SERINC2: variants seen among roughly 807,000 people sequenced by gnomAD.
The protein encoded by SERINC2 is serine incorporator 2.
Under a neutral mutation model 54.2 loss-of-function variants are expected in SERINC2, and 56 were observed. The observed-to-expected ratio is 1.03, with a 90% CI of 0.83 to 1.29. The LOEUF (loss-of-function observed/expected upper bound fraction) is 1.29. Among genes scored for constraint, SERINC2 ranks in the 50% most tolerant of loss-of-function variants. SERINC2 has a pLI of 0.00. For missense variants in SERINC2, 614 were observed against 607.4 expected (o/e 1.01, Z -0.12); for synonymous variants, 272 against 253.1 (o/e 1.07, Z -0.71).
upstream of SERINC2, among the ~76,000 whole-genome samples, chr1:31,411,456 G>A (rs1223711055): frequency 3.3e-5 from 5 of 152,146 alleles, no homozygotes; most frequent in Non-Finnish European, 5.9e-5. Context: ...GGAATTAATC[G>A]ACTTCTCAGG....
intron 2 of SERINC2, 87 bp downstream of exon 2, chr1:31,423,941 T>C: frequency 7.7e-7 from 1 of 1,306,432 alleles, no homozygotes; most frequent in South Asian, 1.3e-5. Flanking sequence ...GGTCACAGCT[T>C]ATCCAGAAGA....
chr1:31,410,098 A>T, upstream of SERINC2: 1 of 1,259,748 alleles, frequency 7.9e-7, no homozygotes, highest in Non-Finnish European at 1.1e-6. Flanking sequence ...GACATGGTTT[A>T]CATAGCATTG....
chr1:31,432,477 T>C (rs956485304), intron 8 of SERINC2, among the ~76,000 whole-genome samples: 3 of 152,106 alleles, frequency 2.0e-5, no homozygotes, highest in Non-Finnish European at 4.4e-5. Flanking sequence ...TAAAACCACC[T>C]GACACTAATA....
At chr1:31,431,995 AGGGT>A in intron 8 of SERINC2, among the ~76,000 whole-genome samples, 1 of 145,814 alleles carries the variant, frequency 6.9e-6, no homozygotes, top group Non-Finnish European at 1.5e-5. Context: ...TAGGGTGGAT[AGGGT>A]GGATAGGGTG....
chr1:31,412,924 G>A (rs781914612), upstream of SERINC2, among the ~76,000 whole-genome samples: 7 of 152,228 alleles, frequency 4.6e-5, no homozygotes, highest in Non-Finnish European at 8.8e-5. Flanking sequence ...CTGTTCCCAA[G>A]GGTGACAGTG....
Position 31,426,670 on chromosome 1 carries a change from TCTC to T in SERINC2, c.631_633del (p.Leu211del). ...CTGGCCCAGGCCTCTTCTTCTTCAC[TCTC>T]CTCTTCTACTTGCTGTCGATCGCGG... On this transcript the variant is annotated inframe_deletion, in exon 6 of 10. Coordinates refer to ENST00000373709, the MANE Select transcript of SERINC2 (RefSeq NM_178865.5). The T allele has an allele frequency of 3.1e-6, 5 of 1,610,160 alleles. No individual in the cohort carries two copies. The highest frequency in any genetic ancestry group is 4.2e-6 in the Non-Finnish European group (5 of 1,176,880).
upstream of SERINC2, chr1:31,410,503 C>T (rs201391177): frequency 6.5e-7 from 1 of 1,539,574 alleles, no homozygotes; most frequent in Non-Finnish European, 8.7e-7. Context: ...AGGCAGGAGG[C>T]CAGGACAGTG....
chr1:31,413,359 C>A lies in SERINC2; in HGVS notation c.39+55C>A. 1.0e-6 allele frequency: 1 copy of A among 984,598 alleles called. No homozygotes were observed. The highest frequency in any genetic ancestry group is 1.3e-6 in the Non-Finnish European group (1 of 759,900). 61.0% of individuals were successfully genotyped at this position (984,598 alleles called of 1,614,324 possible). A position where few individuals can be genotyped will look rare whatever the true frequency, so the allele number is the denominator to read the frequency against. On this transcript the variant is annotated intron_variant, in intron 1 of 9. Transcript: ENST00000373709. This position sits in a 1 kb window ranked among gnomAD's most constrained non-coding sequence, Gnocchi z 5.0. ...CGCGCCGCCCGTTCCTGCTGCGGGC[C>A]CTCACTTTCTTCTGTTCTGCTCCGA...
intron 4 of SERINC2, 107 bp from the exon 5 acceptor site, chr1:31,425,667 ACT>A: frequency 2.2e-6 from 3 of 1,355,652 alleles, no homozygotes; most frequent in African/African-American, 2.9e-5. Flanking sequence ...GAGGGCAGGG[ACT>A]CTGTTCTTCT....
chr1:31,416,118 G>A (rs1420887914), intron 1 of SERINC2, among the ~76,000 whole-genome samples: 1 of 152,188 alleles, frequency 6.6e-6, no homozygotes, highest in Non-Finnish European at 1.5e-5. Context: ...CAGTCACTTT[G>A]CCCATCCCCT....
chr1:31,415,798 T>G, intron 1 of SERINC2: 1 of 940,846 alleles, frequency 1.1e-6, no homozygotes, highest in Non-Finnish European at 1.3e-6. Flanking sequence ...GAGGGATTTT[T>G]TTGCATGCAT....
At position 31,434,181 on chromosome 1, in the gene SERINC2, C is replaced by T; in HGVS notation, c.1350C>T (p.Arg450=). Residue 450 remains arginine (R), a synonymous_variant, in exon 10 of 10, where the codon CGC becomes CGT. Coordinates refer to ENST00000373709, the MANE Select transcript of SERINC2 (RefSeq NM_178865.5). ...CCCTGGTAGCCCCACTCCTCCTGCG[C>T]AACCGCGACTTCAGCTGAGGCAGCC... ...LWTLVAPLLL[R]NRDFS 2 of 1,613,460 alleles carry T rather than the reference C, an allele frequency of 1.2e-6. No individual in the cohort carries two copies. Among genetic ancestry groups the T allele is most frequent in the Non-Finnish European group, 1.7e-6 (2 of 1,179,902 alleles).
chr1:31,427,412 A>C (rs558253697), intron 6 of SERINC2, among the ~76,000 whole-genome samples: 1 of 152,282 alleles, frequency 6.6e-6, no homozygotes, highest in Non-Finnish European at 1.5e-5. Context: ...CAGGGGGCTT[A>C]GGTAGTCTTC....
At chr1:31,414,686 G>C (rs1377048516) in intron 1 of SERINC2, 3 of 985,338 alleles carry the variant, frequency 3.0e-6, no homozygotes, top group African/African-American at 3.5e-5. Context: ...AAGAATTCAA[G>C]GTTTGGGCCA....
chr1:31,417,852 C>CTTT (rs3050463), intron 1 of SERINC2, among the ~76,000 whole-genome samples: 20,220 of 95,300 alleles, frequency 0.21, 3,379 homozygotes, highest in East Asian at 0.4. Flanking sequence ...AAATTTCATT[C>CTTT]TTTTTTTTTT....
chr1:31,425,285 T>C (rs4949400), intron 3 of SERINC2, 45 bp from the exon 4 acceptor site: 727,020 of 1,414,230 alleles, frequency 0.51, 196,224 homozygotes, highest in Non-Finnish European at 0.56. Context: ...CCAGTTTCCC[T>C]GCCTGCACTC....
chr1:31,422,320 GAAGAA>G (rs1474440270), intron 1 of SERINC2, among the ~76,000 whole-genome samples: 2 of 149,930 alleles, frequency 1.3e-5, no homozygotes, highest in Admixed American at 6.6e-5. Flanking sequence ...AACAAAAAAA[GAAGAA>G]AAGAAGAAAA....
upstream of SERINC2, chr1:31,413,013 T>C: frequency 2.8e-6 from 1 of 357,818 alleles, no homozygotes; most frequent in Non-Finnish European, 4.0e-6. The surrounding 1 kb of genome is among the most constrained non-coding windows in gnomAD (Gnocchi z 5.0). Context: ...CGGGCCACGA[T>C]TGGGTCAGGT....
chr1:31,422,485 C>G (rs1640927201), intron 1 of SERINC2, among the ~76,000 whole-genome samples: 1 of 152,112 alleles, frequency 6.6e-6, no homozygotes, highest in Non-Finnish European at 1.5e-5. Flanking sequence ...TTAAAAGTCA[C>G]TTCTTCAAGG....
Sources: allele counts gnomAD v4.1 joint callset (sites outside exome capture counted in the v4.1 genomes callset), GRCh38; gene constraint gnomAD v4.1.1; non-coding constraint Gnocchi (gnomAD v3.1); transcripts MANE v1.5; gene names NCBI Gene and HGNC (gene_info 2026-07-23, HGNC 2026-07-21).